Variants in AGPAT3 observed in about 807,000 individuals in gnomAD.
AGPAT3 encodes 1-acylglycerol-3-phosphate O-acyltransferase 3.
AGPAT3 carries 5 observed loss-of-function variants against 47.3 expected under a neutral mutation model. The ratio of observed to expected loss-of-function variants is 0.11; its 90% CI spans 0.06 to 0.22. The LOEUF is 0.22. Ranked by LOEUF, AGPAT3 falls within the 10% of genes least tolerant of loss-of-function variation. The pLI is 1.00. For synonymous variants in AGPAT3, 212 were observed against 208.3 expected, an observed-to-expected ratio of 1.02 and a Z score of -0.15; for missense variants, 315 against 493.0, an observed-to-expected ratio of 0.64 and a Z score of 3.42.
At chr21:43,951,235 G>T (rs963068772) in intron 2 of AGPAT3, among the ~76,000 whole-genome samples, 7 of 152,196 alleles carry the variant, frequency 4.6e-5, no homozygotes, top group African/African-American at 1.4e-4. Flanking sequence ...GAGGAAGGGG[G>T]GAAGGAGGGA....
intron 7 of AGPAT3, among the ~76,000 whole-genome samples, chr21:43,972,376 C>T (rs764020783): frequency 2.6e-5 from 4 of 152,136 alleles, no homozygotes; most frequent in Non-Finnish European, 5.9e-5. Flanking sequence ...GAACTCCTGA[C>T]CTCAAGTGAT....
chr21:43,959,940 C>A, intron 3 of AGPAT3, 81 bp downstream of exon 3: 1 of 1,446,472 alleles, frequency 6.9e-7, no homozygotes. Context: ...CAGCCGTGGG[C>A]TCTCAGGCAG....
At position 43,922,813 on chromosome 21, in the gene AGPAT3, A is replaced by G. The variant is rs1481872478; in HGVS notation, c.-49+18794A>G. Among the ~76,000 whole-genome samples the G allele has an allele frequency of 6.6e-6, 1 of 152,124 alleles. No individual in the cohort carries two copies. The highest frequency in any genetic ancestry group is 1.5e-5 in the Non-Finnish European group (1 of 68,008). On this transcript the variant is annotated intron_variant, in intron 2 of 9. Coordinates refer to ENST00000291572, the MANE Select transcript of AGPAT3 (RefSeq NM_020132.5). The surrounding 1 kb of genome is among the most constrained non-coding windows in gnomAD (Gnocchi z 4.9). Reference sequence around the variant, plus strand: ...GTGCCAGGCAGGTCACTCCGTCAGCATAGGGGCTGCCATGAGGATTGGCTG... The same window carrying G: ...GTGCCAGGCAGGTCACTCCGTCAGCGTAGGGGCTGCCATGAGGATTGGCTG...
At chr21:43,883,359 G>A (rs949358175) in intron 1 of AGPAT3, among the ~76,000 whole-genome samples, 2 of 152,222 alleles carry the variant, frequency 1.3e-5, no homozygotes, top group African/African-American at 4.8e-5. Context: ...CTCCGACACC[G>A]GTTCTGAGCC....
At chr21:43,916,429 C>T (rs2086730716) in intron 2 of AGPAT3, 1 of 152,126 alleles carries the variant, frequency 6.6e-6, no homozygotes, top group Admixed American at 6.5e-5. Context: ...TTGGTACGAA[C>T]ATATCGAATG....
chr21:43,940,391 C>T (rs1243488268), intron 2 of AGPAT3, among the ~76,000 whole-genome samples: 1 of 152,224 alleles, frequency 6.6e-6, no homozygotes, highest in Non-Finnish European at 1.5e-5. Flanking sequence ...TGTGTGCTCC[C>T]CTCCTCTTCC....
At chr21:43,884,690 GTGCTGGGTGGCCTGA>G (rs1233116751) in intron 1 of AGPAT3, among the ~76,000 whole-genome samples, 1 of 151,786 alleles carries the variant, frequency 6.6e-6, no homozygotes, top group Non-Finnish European at 1.5e-5. Context: ...GGGTGGCCTG[GTGCTGGGTGGCCTGA>G]TGCTGGGTGC....
intron 1 of AGPAT3, among the ~76,000 whole-genome samples, chr21:43,891,903 T>G (rs567547159): frequency 1.3e-5 from 2 of 152,304 alleles, no homozygotes; most frequent in Admixed American, 1.3e-4. Context: ...TGGTGAATCC[T>G]TTCCGGAAGG....
At chr21:43,909,006 A>G (rs1403121250) in intron 2 of AGPAT3, among the ~76,000 whole-genome samples, 1 of 151,886 alleles carries the variant, frequency 6.6e-6, no homozygotes, top group Non-Finnish European at 1.5e-5. Flanking sequence ...ACTGGGAAAA[A>G]CCCTGAGAGC....
At chr21:43,965,504 A>G (rs2089076534) in intron 3 of AGPAT3, 1 of 152,132 alleles carries the variant, frequency 6.6e-6, no homozygotes. Context: ...CACAGACAAA[A>G]CCACCTGCCT....
chr21:43,979,851 G>C (rs2089777220), intron 8 of AGPAT3, among the ~76,000 whole-genome samples: 1 of 152,230 alleles, frequency 6.6e-6, no homozygotes, highest in South Asian at 2.1e-4. Flanking sequence ...CACGGACACA[G>C]TGTGTGGCTG....
chr21:43,890,522 C>T (rs1008669132), intron 1 of AGPAT3, among the ~76,000 whole-genome samples: 3 of 151,762 alleles, frequency 2.0e-5, no homozygotes, highest in African/African-American at 7.3e-5. Context: ...AAGCGATCCT[C>T]CCACCTCAGC....
intron 7 of AGPAT3, among the ~76,000 whole-genome samples, chr21:43,974,326 T>C (rs1231377991): frequency 6.6e-6 from 1 of 152,004 alleles, no homozygotes; most frequent in Non-Finnish European, 1.5e-5. Flanking sequence ...ATGTGGTGTG[T>C]GTATAGTGTG....
chr21:43,893,132 C>T (rs1255618309), intron 1 of AGPAT3, among the ~76,000 whole-genome samples: 1 of 152,140 alleles, frequency 6.6e-6, no homozygotes, highest in East Asian at 1.9e-4. Context: ...GTGTGGCCAC[C>T]TTCATCAGTG....
chr21:43,869,702 C>T (rs1569037359), intron 1 of AGPAT3, among the ~76,000 whole-genome samples: 2 of 152,142 alleles, frequency 1.3e-5, no homozygotes, highest in African/African-American at 2.4e-5. Flanking sequence ...AAGTGGACCC[C>T]CAGGGTGGCC....
chr21:43,932,947 G>A lies in AGPAT3; in HGVS notation c.-48-26687G>A, dbSNP rs1410980237. ...TTACAGGTGTGAGCCACCGCCCTGG[G>A]CCAGTAGTTCCATTTTTGACTTTTG... is the stretch of plus-strand genomic sequence containing the variant. On this transcript the variant is annotated intron_variant, in intron 2 of 9. Coordinates refer to ENST00000291572, the MANE Select transcript of AGPAT3 (RefSeq NM_020132.5). The surrounding 1 kb of genome is among the most constrained non-coding windows in gnomAD (Gnocchi z 5.2). Among the ~76,000 whole-genome samples the A allele has an allele frequency of 6.6e-6, 1 of 152,180 alleles. No individual in the cohort carries two copies. Among genetic ancestry groups the A allele is most frequent in the Non-Finnish European group, 1.5e-5 (1 of 68,032 alleles).
At chr21:43,942,578 C>T (rs2087697272) in intron 2 of AGPAT3, among the ~76,000 whole-genome samples, 1 of 152,228 alleles carries the variant, frequency 6.6e-6, no homozygotes. Flanking sequence ...GACCAGGAAC[C>T]CTCTGTGCTC....
At chr21:43,921,507 A>G (rs1434363135) in intron 2 of AGPAT3, among the ~76,000 whole-genome samples, 1 of 152,154 alleles carries the variant, frequency 6.6e-6, no homozygotes, top group East Asian at 1.9e-4. Context: ...GGCAGTCTCC[A>G]GGGCGAGCCC....
At chr21:43,935,858 G>A (rs1372063971) in intron 2 of AGPAT3, among the ~76,000 whole-genome samples, 1 of 152,232 alleles carries the variant, frequency 6.6e-6, no homozygotes, top group Non-Finnish European at 1.5e-5. Flanking sequence ...GAGTGGAGAA[G>A]CCTCAGCCAG....
Sources: allele counts gnomAD v4.1 joint callset (sites outside exome capture counted in the v4.1 genomes callset), GRCh38; gene constraint gnomAD v4.1.1; non-coding constraint Gnocchi (gnomAD v3.1); transcripts MANE v1.5; gene names NCBI Gene and HGNC (gene_info 2026-07-23, HGNC 2026-07-21).